PBX1: variants seen among roughly 807,000 people sequenced by gnomAD.
PBX1 encodes pre-B-cell leukemia transcription factor 1.
PBX1 carries 6 observed loss-of-function variants against 53.4 expected under a neutral mutation model. The observed-to-expected ratio is 0.11, with a 90% CI of 0.06 to 0.22. The LOEUF (loss-of-function observed/expected upper bound fraction) is 0.22, where lower values mean the gene tolerates loss of function less well. Among genes scored for constraint, PBX1 ranks in the 10% least tolerant of loss-of-function variants. The pLI, the probability that PBX1 is intolerant of heterozygous loss-of-function variation, is 1.00. For synonymous variants in PBX1, 204 were observed against 212.3 expected, an observed-to-expected ratio of 0.96 and a Z score of 0.34; for missense variants, 251 against 551.4, an observed-to-expected ratio of 0.46 and a Z score of 5.46.
chr1:164,566,070 G>A (rs542431275), intron 2 of PBX1, among the ~76,000 whole-genome samples: 1 of 152,008 alleles, frequency 6.6e-6, no homozygotes, highest in Non-Finnish European at 1.5e-5. Context: ...TTTTGCATTT[G>A]TTAATGATTT....
rs1266510726 is a variant in PBX1 at position 164,849,278 on chromosome 1, G to A, written c.*2602G>A. On this transcript the variant is annotated 3_prime_UTR_variant, in exon 9 of 9. Transcript: ENST00000420696. The stretch of plus-strand genomic sequence containing the variant: ...TTCTCTCCGGGCCGTAGTTTTCACT[G>A]ATGATCACCTTTCACAGCATTTTCC... The A allele has an allele frequency of 6.5e-7, 1 of 1,532,864 alleles. No homozygotes were observed. The highest frequency in any genetic ancestry group is 8.7e-7 in the Non-Finnish European group (1 of 1,145,032). 95.0% of individuals were successfully genotyped at this position (1,532,864 alleles called of 1,614,324 possible). A position where few individuals can be genotyped will look rare whatever the true frequency, so the allele number is the denominator to read the frequency against.
intron 8 of PBX1, among the ~76,000 whole-genome samples, chr1:164,846,270 G>C (rs1034759909): frequency 7.9e-5 from 12 of 152,282 alleles, no homozygotes; most frequent in African/African-American, 2.9e-4. Flanking sequence ...ACCAAAACTT[G>C]AGTCCCTTGA....
intron 2 of PBX1, chr1:164,787,814 CCTGTCTCAA>C (rs1324062001): frequency 6.6e-6 from 1 of 152,208 alleles, no homozygotes; most frequent in Non-Finnish European, 1.5e-5. Flanking sequence ...AAATCACCTA[CCTGTCTCAA>C]CTGGTCTCTT....
chr1:164,677,472 A>T (rs1661500976), intron 2 of PBX1, among the ~76,000 whole-genome samples: 2 of 152,156 alleles, frequency 1.3e-5, no homozygotes, highest in Admixed American at 1.3e-4. Flanking sequence ...TAAGAAAAGT[A>T]TAAGAACTGA....
At chr1:164,650,967 A>G (rs911643205) in intron 2 of PBX1, among the ~76,000 whole-genome samples, 12 of 151,180 alleles carry the variant, frequency 7.9e-5, no homozygotes, top group Non-Finnish European at 1.6e-4. Flanking sequence ...GCTCAGAAAA[A>G]AAAAAAATCA....
chr1:164,821,649 C>T (rs1253037190), intron 8 of PBX1, 23 bp downstream of exon 8: 1 of 1,584,396 alleles, frequency 6.3e-7, no homozygotes, highest in Non-Finnish European at 8.7e-7. Flanking sequence ...GCCCCCCCAC[C>T]CCCTGCTTTG....
At position 164,653,910 on chromosome 1, in the gene PBX1, C is replaced by T. The variant is rs535942507; in HGVS notation, c.265+90599C>T. On this transcript the variant is annotated intron_variant, in intron 2 of 8. Coordinates refer to ENST00000420696, the MANE Select transcript of PBX1 (RefSeq NM_002585.4). ...CTTCATTGTCCTTGGCTATTTATAA[C>T]AATAGGTGTGACAATAGAACAGCCT... Among the ~76,000 whole-genome samples, 4 of 152,288 alleles carry T rather than the reference C, an allele frequency of 2.6e-5. No individual in the cohort carries two copies. In the South Asian group the frequency reaches 8.3e-4, roughly 32 times the overall value.
At chr1:164,565,802 G>A (rs1571229208) in intron 2 of PBX1, among the ~76,000 whole-genome samples, 1 of 150,088 alleles carries the variant, frequency 6.7e-6, no homozygotes, top group Non-Finnish European at 1.5e-5. Flanking sequence ...TGAAAACATC[G>A]CTTGAGTGAT....
intron 1 of PBX1, 188 bp from the exon 2 acceptor site, chr1:164,563,050 A>G (rs1653176178): frequency 2.4e-6 from 1 of 408,256 alleles, no homozygotes; most frequent in Non-Finnish European, 4.4e-6. Context: ...TCTCCCTGCT[A>G]ATTAACATTA....
intron 2 of PBX1, among the ~76,000 whole-genome samples, chr1:164,717,002 G>A (rs1384670761): frequency 6.6e-6 from 1 of 152,104 alleles, no homozygotes; most frequent in East Asian, 1.9e-4. Flanking sequence ...GCTATGAACT[G>A]AAAAATGGGC....
chr1:164,779,193 T>A (rs1667815896), intron 2 of PBX1, among the ~76,000 whole-genome samples: 1 of 152,064 alleles, frequency 6.6e-6, no homozygotes, highest in Non-Finnish European at 1.5e-5. Flanking sequence ...TATGGCGTAT[T>A]TAGTTCTTCT....
At chr1:164,637,704 G>C (rs926022632) in intron 2 of PBX1, among the ~76,000 whole-genome samples, 1 of 152,188 alleles carries the variant, frequency 6.6e-6, no homozygotes, top group Non-Finnish European at 1.5e-5. Flanking sequence ...CTGACGTTTG[G>C]TTGGGGACCA....
At chr1:164,646,642 C>T (rs1470537702) in intron 2 of PBX1, among the ~76,000 whole-genome samples, 3 of 152,142 alleles carry the variant, frequency 2.0e-5, no homozygotes, top group East Asian at 1.9e-4. Context: ...GTCACACATA[C>T]CTGTGTACAT....
At chr1:164,693,067 C>G (rs1557946592) in intron 2 of PBX1, among the ~76,000 whole-genome samples, 2 of 152,236 alleles carry the variant, frequency 1.3e-5, no homozygotes, top group Admixed American at 1.3e-4. Context: ...GCCAAGGTCA[C>G]TGTGTGTGCC....
intron 2 of PBX1, among the ~76,000 whole-genome samples, chr1:164,592,489 T>C (rs2101774556): frequency 6.6e-6 from 1 of 152,278 alleles, no homozygotes; most frequent in South Asian, 2.1e-4. Context: ...AAAGGAGAAG[T>C]TGAGGCCACA....
intron 2 of PBX1, among the ~76,000 whole-genome samples, chr1:164,673,462 TAA>T (rs1661225679): frequency 7.0e-6 from 1 of 143,166 alleles, no homozygotes; most frequent in African/African-American, 2.6e-5. Context: ...GGAAAATTAC[TAA>T]CTTTTTTTTT....
chr1:164,780,676 A>C (rs564852988), intron 2 of PBX1, among the ~76,000 whole-genome samples: 4 of 152,276 alleles, frequency 2.6e-5, no homozygotes, highest in African/African-American at 9.6e-5. Flanking sequence ...CCAAAGCAGA[A>C]ATGTCACACA....
intron 5 of PBX1, among the ~76,000 whole-genome samples, chr1:164,810,332 C>T (rs1451713617): frequency 6.6e-6 from 1 of 152,138 alleles, no homozygotes; most frequent in Non-Finnish European, 1.5e-5. Flanking sequence ...TGATAACACT[C>T]ATTTTATACA....
In PBX1 at chr1:164,849,630, C is replaced by T. The variant is rs777413071; in HGVS notation, c.*2954C>T. 1.5e-5 allele frequency: 8 copies of T among 525,266 alleles called. No individual in the cohort carries two copies. The highest frequency in any genetic ancestry group is 2.6e-5 in the Non-Finnish European group (8 of 308,596). The allele number at this position is 525,266 out of a possible 1,614,324, so 32.5% of individuals were successfully genotyped here. ...CGATACTAGACCCTGGGTTTGCCCACCTTGTAACTCTTCCTTATCTCCTCC... is the reference window on the plus strand; with the variant it reads ...CGATACTAGACCCTGGGTTTGCCCATCTTGTAACTCTTCCTTATCTCCTCC... On this transcript the variant is annotated 3_prime_UTR_variant, in exon 9 of 9. Transcript: ENST00000420696.
Sources: allele counts gnomAD v4.1 joint callset (sites outside exome capture counted in the v4.1 genomes callset), GRCh38; gene constraint gnomAD v4.1.1; transcripts MANE v1.5; gene names NCBI Gene and HGNC (gene_info 2026-07-23, HGNC 2026-07-21).